Variants in ARMH3 observed in about 807,000 individuals in gnomAD.
ARMH3 encodes the protein armadillo like helical domain containing 3.
A neutral mutation model predicts 99.1 loss-of-function variants in ARMH3; 60 were observed. The ratio of observed to expected loss-of-function variants is 0.61; its 90% CI spans 0.49 to 0.75. The LOEUF (loss-of-function observed/expected upper bound fraction) is 0.75. ARMH3 is among the 30% of genes least tolerant of loss of function. ARMH3 has a pLI of 0.00. For synonymous variants in ARMH3, 285 were observed against 292.8 expected (o/e 0.97, Z 0.27); for missense variants, 679 against 843.1 (o/e 0.81, Z 2.41).
At chr10:102,025,468 C>T (rs181013322) in intron 5 of ARMH3, among the ~76,000 whole-genome samples, 1 of 152,202 alleles carries the variant, frequency 6.6e-6, no homozygotes, top group Admixed American at 6.5e-5. Flanking sequence ...CAAAATCTAG[C>T]TATATTGAGA....
rs1029402130 is a variant in ARMH3 at position 101,845,793 on chromosome 10, G to C, written c.*1735C>G. 1.3e-5 allele frequency: 2 copies of C among 152,138 alleles called. No individual in the cohort carries two copies. Among genetic ancestry groups the C allele is most frequent in the South Asian group, 2.1e-4 (1 of 4,802 alleles). The allele number at this position is 152,138 out of a possible 1,614,324, so 9.4% of individuals were successfully genotyped here. A position where few individuals can be genotyped will look rare whatever the true frequency, so the allele number is the denominator to read the frequency against. ...TGGCAGCCTGTTAGTGGCTTCTCTGGAACTAGTGCATAGCTGCTCAATGTT... is the reference window on the plus strand; with the variant it reads ...TGGCAGCCTGTTAGTGGCTTCTCTGCAACTAGTGCATAGCTGCTCAATGTT... On this transcript the variant is annotated 3_prime_UTR_variant, in exon 26 of 26. Transcript: ENST00000370033.
rs142386711 is a variant in ARMH3 at position 101,920,388 on chromosome 10, C to G, written c.1781+19475G>C. On this transcript the variant is annotated intron_variant, in intron 23 of 25. Coordinates refer to ENST00000370033, the MANE Select transcript of ARMH3 (RefSeq NM_024541.3). Reference sequence around the variant, plus strand: ...GTTTGTCCAGAGAACTCCAGGTGGTCTGGCATAGCTGCAGTGAGGTGACAG... The same window carrying G: ...GTTTGTCCAGAGAACTCCAGGTGGTGTGGCATAGCTGCAGTGAGGTGACAG... Among the ~76,000 whole-genome samples, 288 of 152,234 alleles carry G rather than the reference C, an allele frequency of 1.9e-3. 2 individuals are homozygous for G. The Middle Eastern group carries it at 0.02, about 11-fold the overall frequency.
At position 101,849,768 on chromosome 10, in the gene ARMH3, G is replaced by A. The variant is rs200321035; in HGVS notation, c.1977+8C>T. ...CTAAGACACAGGCAGAGGCGGTGGG[G>A]CACTCACCAGCTCTTTGAAGAAGGC... On this transcript the variant is annotated splice_region_variant and intron_variant, in intron 25 of 25. Coordinates refer to ENST00000370033, the MANE Select transcript of ARMH3 (RefSeq NM_024541.3). The A allele has an allele frequency of 1.2e-4, 192 of 1,610,994 alleles. No individual in the cohort carries two copies. Among genetic ancestry groups the A allele is most frequent in the Non-Finnish European group, 1.5e-4 (182 of 1,177,422 alleles).
rs1846826163 is a variant in ARMH3 at position 101,992,123 on chromosome 10, T to C, written c.1276-85A>G. ...CCCATCATCATGTTCCTTGTGCAAA[T>C]AAAATCACTATTACAGGGATACTTC... On this transcript the variant is annotated intron_variant, in intron 17 of 25. Coordinates refer to ENST00000370033, the MANE Select transcript of ARMH3 (RefSeq NM_024541.3). 4.6e-6 allele frequency: 5 copies of C among 1,096,060 alleles called. No individual in the cohort carries two copies. In the South Asian group the frequency reaches 5.0e-5, roughly 11 times the overall value. 67.9% of individuals were successfully genotyped at this position (1,096,060 alleles called of 1,614,324 possible).
intron 19 of ARMH3, among the ~76,000 whole-genome samples, chr10:101,986,001 CAG>C (rs1846482946): frequency 6.6e-6 from 1 of 151,762 alleles, no homozygotes; most frequent in Non-Finnish European, 1.5e-5. Context: ...CTGGGCAACA[CAG>C]AGACTCTGTC....
intron 1 of ARMH3, among the ~76,000 whole-genome samples, chr10:102,045,553 T>C (rs1392116628): frequency 1.3e-5 from 2 of 152,222 alleles, no homozygotes; most frequent in Admixed American, 6.5e-5. Context: ...GCACTTGGCG[T>C]GTTCAGGAAA....
intron 23 of ARMH3, among the ~76,000 whole-genome samples, chr10:101,910,225 T>A (rs776999863): frequency 6.6e-5 from 10 of 152,232 alleles, no homozygotes; most frequent in African/African-American, 1.9e-4. Flanking sequence ...ACAACCAAAC[T>A]GACCTTCATC....
intron 2 of ARMH3, among the ~76,000 whole-genome samples, chr10:102,035,538 CGATT>C (rs1312241409): frequency 6.6e-6 from 1 of 152,102 alleles, no homozygotes; most frequent in Non-Finnish European, 1.5e-5. Context: ...GGAGTGCCTG[CGATT>C]GCAGGCGCGC....
chr10:101,958,556 A>G (rs924612696), intron 20 of ARMH3, among the ~76,000 whole-genome samples: 2 of 152,152 alleles, frequency 1.3e-5, no homozygotes, highest in African/African-American at 4.8e-5. Context: ...CCCATCTCAG[A>G]TAATGCCCCT....
chr10:101,907,930 T>C (rs899203357), intron 23 of ARMH3, among the ~76,000 whole-genome samples: 4 of 152,176 alleles, frequency 2.6e-5, no homozygotes, highest in African/African-American at 9.7e-5. Context: ...CTTCAAGCCC[T>C]GCAGTAACAA....
At chr10:102,050,479 CATAA>C (rs940074582) in intron 1 of ARMH3, among the ~76,000 whole-genome samples, 1 of 151,924 alleles carries the variant, frequency 6.6e-6, no homozygotes, top group Non-Finnish European at 1.5e-5. Context: ...TACATACATA[CATAA>C]ATAAATAAAA....
chr10:101,901,301 A>T (rs1373731810), intron 23 of ARMH3, among the ~76,000 whole-genome samples: 8 of 151,260 alleles, frequency 5.3e-5, no homozygotes, highest in African/African-American at 1.9e-4. Flanking sequence ...CAAGTACTCC[A>T]GGAAAAGAAT....
intron 23 of ARMH3, among the ~76,000 whole-genome samples, chr10:101,891,273 G>C (rs2067684836): frequency 6.6e-6 from 1 of 151,526 alleles, no homozygotes; most frequent in African/African-American, 2.4e-5. Flanking sequence ...TCAGCTCCCT[G>C]CAACCTCCAC....
At chr10:101,950,637 T>TA (rs1364760545) in intron 22 of ARMH3, among the ~76,000 whole-genome samples, 1 of 152,220 alleles carries the variant, frequency 6.6e-6, no homozygotes, top group African/African-American at 2.4e-5. Context: ...GAAGTACTGT[T>TA]ACTTCATGGA....
chr10:102,000,395 C>G (rs2066326152), intron 15 of ARMH3, among the ~76,000 whole-genome samples: 1 of 151,990 alleles, frequency 6.6e-6, no homozygotes, highest in African/African-American at 2.4e-5. Flanking sequence ...TGGTTGCTGT[C>G]AGGCCTTGGG....
rs148725036 is a variant in ARMH3, at chr10:101,960,132, C to T, written c.1496-2400G>A. On this transcript the variant is annotated intron_variant, in intron 20 of 25. Transcript: ENST00000370033. ...GGCGGAGGCTGCAGTGAGCCGAGAT[C>T]GCACCACTGCACTCCACCTTGGGCG... Among the ~76,000 whole-genome samples the T allele has an allele frequency of 3.7e-3, 556 of 151,836 alleles. 1 individual carries two copies. Among genetic ancestry groups the T allele is most frequent in the Non-Finnish European group, 5.3e-3 (358 of 67,920 alleles).
chr10:101,955,684 G>A (rs528901802), intron 22 of ARMH3, among the ~76,000 whole-genome samples: 2 of 152,170 alleles, frequency 1.3e-5, no homozygotes, highest in African/African-American at 4.8e-5. Context: ...AAAGGATGAA[G>A]CAAACCAATC....
intron 19 of ARMH3, among the ~76,000 whole-genome samples, chr10:101,990,179 CT>C (rs762793068): frequency 9.0e-4 from 121 of 134,560 alleles, no homozygotes; most frequent in East Asian, 1.7e-3. Flanking sequence ...CATGAACTTT[CT>C]TTTTTTTTTT....
intron 24 of ARMH3, 21 bp downstream of exon 24, chr10:101,889,391 C>G: frequency 6.3e-7 from 1 of 1,596,718 alleles, no homozygotes; most frequent in Non-Finnish European, 8.6e-7. Flanking sequence ...ACTAGGTCAT[C>G]TGGGGAAAGT....
Sources: gnomAD v4.1 joint callset for allele counts (sites outside exome capture counted in the v4.1 genomes callset) on GRCh38, gnomAD v4.1.1 for gene constraint, MANE v1.5 for transcripts, NCBI Gene and HGNC (gene_info 2026-07-23, HGNC 2026-07-21) for gene names.